WBP2NL: variants seen among roughly 807,000 people sequenced by gnomAD.
The protein encoded by WBP2NL is postacrosomal sheath WW domain-binding protein.
Under a neutral mutation model 23.3 loss-of-function variants are expected in WBP2NL, and 27 were observed. The observed-to-expected ratio is 1.16, with a 90% CI of 0.85 to 1.60. The LOEUF is 1.60. Ranked by LOEUF, WBP2NL falls within the 40% of genes most tolerant of loss-of-function variation. The pLI is 0.00. For synonymous variants in WBP2NL, 151 were observed against 145.9 expected (o/e 1.03, Z -0.25); for missense variants, 370 against 389.5 (o/e 0.95, Z 0.42).
At chr22:42,029,544 T>C (rs1924798049), downstream of WBP2NL, among the ~76,000 whole-genome samples, 1 of 152,068 alleles carries the variant, frequency 6.6e-6, no homozygotes, top group Non-Finnish European at 1.5e-5. Flanking sequence ...GCTAATTTTT[T>C]TTATTTTTAT....
At chr22:42,003,875 T>C (rs1379175273) in intron 1 of WBP2NL, among the ~76,000 whole-genome samples, 3 of 152,238 alleles carry the variant, frequency 2.0e-5, no homozygotes, top group Non-Finnish European at 2.9e-5. Flanking sequence ...ACATCAAATT[T>C]ATGGTAAACC....
At chr22:42,055,719 C>T (rs1310424725) in intron 8 of WBP2NL, among the ~76,000 whole-genome samples, 4 of 151,920 alleles carry the variant, frequency 2.6e-5, no homozygotes, top group East Asian at 1.9e-4. Context: ...TATTTGGACT[C>T]GTTAGGTATG....
intron 5 of WBP2NL, among the ~76,000 whole-genome samples, chr22:42,025,416 A>T (rs567510648): frequency 1.1e-4 from 16 of 152,234 alleles, no homozygotes; most frequent in Non-Finnish European, 2.2e-4. Flanking sequence ...TTCTTCACCA[A>T]TGTGGCCCAG....
At chr22:42,014,661 G>C (rs145539762) in intron 1 of WBP2NL, among the ~76,000 whole-genome samples, 180 of 151,812 alleles carry the variant, frequency 1.2e-3, no homozygotes, top group African/African-American at 4.3e-3. Flanking sequence ...TCCCATTTGT[G>C]TTACTCAGGT....
intron 1 of WBP2NL, among the ~76,000 whole-genome samples, chr22:42,017,974 C>A (rs2413664): frequency 0.31 from 47,371 of 151,594 alleles, 8,628 homozygotes; most frequent in South Asian, 0.44. Flanking sequence ...CATGGTGAAA[C>A]CCCGTCTCTA....
chr22:42,032,738 TA>T (rs1279237822), downstream of WBP2NL: 1 of 470,626 alleles, frequency 2.1e-6, no homozygotes, highest in South Asian at 1.6e-5. Flanking sequence ...CATGGACTGC[TA>T]GAGAATAAAC....
At chr22:42,019,211 ACT>A (rs1923639470) in intron 1 of WBP2NL, 98 bp from the exon 2 acceptor site, 3 of 1,069,434 alleles carry the variant, frequency 2.8e-6, no homozygotes, top group East Asian at 4.8e-5. Flanking sequence ...ACAGAGTAAG[ACT>A]CTGTCTCAAA....
chr22:42,024,319 C>T lies in WBP2NL; in HGVS notation c.514+1963C>T, dbSNP rs568905325. ...ATGAGCATTTGTATATAATTTTCTA[C>T]GTAGACATATGTTTTCATTTCTCCT... On this transcript the variant is annotated intron_variant, in intron 5 of 5. Coordinates refer to ENST00000328823, the MANE Select transcript of WBP2NL (RefSeq NM_152613.3). 2.0e-5 allele frequency among the ~76,000 whole-genome samples: 3 copies of T among 152,238 alleles called. No individual in the cohort carries two copies. The East Asian group carries it at 5.8e-4, about 29-fold the overall frequency.
intron 8 of WBP2NL, among the ~76,000 whole-genome samples, chr22:42,054,171 G>A (rs80203456): frequency 7.3e-5 from 11 of 151,398 alleles, no homozygotes; most frequent in African/African-American, 2.7e-4. Context: ...TATTTTTTTT[G>A]ATTGCTTCTG....
chr22:42,030,478 G>C (rs1000946645), downstream of WBP2NL: 6 of 152,206 alleles, frequency 3.9e-5, no homozygotes, highest in African/African-American at 7.2e-5. Context: ...TAGAGTTATG[G>C]GTCTAGGAAG....
chr22:42,022,638 C>T (rs1265163937), intron 5 of WBP2NL, among the ~76,000 whole-genome samples: 2 of 152,224 alleles, frequency 1.3e-5, no homozygotes. Context: ...ATAGCCTGAG[C>T]AGAAAATATA....
At chr22:42,056,861 A>G (rs1177824286) in intron 8 of WBP2NL, among the ~76,000 whole-genome samples, 2 of 152,128 alleles carry the variant, frequency 1.3e-5, no homozygotes, top group South Asian at 4.1e-4. Flanking sequence ...CAATCCAATT[A>G]TACTTAGTTA....
intron 1 of WBP2NL, chr22:42,001,263 A>C: frequency 1.5e-6 from 1 of 677,854 alleles, no homozygotes; most frequent in South Asian, 1.7e-5. Flanking sequence ...ATGTAGCAGC[A>C]AATGGTGTTA....
chr22:42,027,245 A>G lies in WBP2NL; in HGVS notation c.*64A>G. 3.3e-6 allele frequency: 5 copies of G among 1,530,464 alleles called. No individual in the cohort carries two copies. The South Asian group carries it at 6.5e-5, about 20-fold the overall frequency. 94.8% of individuals were successfully genotyped at this position (1,530,464 alleles called of 1,614,324 possible). On this transcript the variant is annotated 3_prime_UTR_variant, in exon 6 of 6. Transcript: ENST00000328823. Reference sequence around the variant, plus strand: ...GAGGTACCCTAAAATTGAAGTCAGGATAAGGAGGACGACTCAGGTATGTGA... The same window carrying G: ...GAGGTACCCTAAAATTGAAGTCAGGGTAAGGAGGACGACTCAGGTATGTGA...
At chr22:42,033,610 A>T (rs1337430089), downstream of WBP2NL, among the ~76,000 whole-genome samples, 4 of 152,078 alleles carry the variant, frequency 2.6e-5, no homozygotes, top group Admixed American at 2.0e-4. Flanking sequence ...GAGGCCTTGG[A>T]GTGGGTAGCT....
chr22:42,023,513 G>T (rs993570957), intron 5 of WBP2NL, among the ~76,000 whole-genome samples: 1 of 149,552 alleles, frequency 6.7e-6, no homozygotes. Context: ...TTTTGTTTTT[G>T]TTTTTTTGAG....
At chr22:42,049,867 C>T (rs934995172) in intron 8 of WBP2NL, among the ~76,000 whole-genome samples, 8 of 149,972 alleles carry the variant, frequency 5.3e-5, no homozygotes, top group Non-Finnish European at 7.4e-5. Context: ...ATCCCAGCTA[C>T]TGGGGAGGCT....
chr22:42,047,693 C>T (rs1227099736), intron 8 of WBP2NL, among the ~76,000 whole-genome samples: 3 of 148,724 alleles, frequency 2.0e-5, no homozygotes, highest in African/African-American at 4.9e-5. Context: ...GCCGTCTCAG[C>T]TTACTGCAAG....
At position 42,026,688 on chromosome 22, in the gene WBP2NL, AT is replaced by A. The variant is rs1924527950; in HGVS notation, c.515-72del. On this transcript the variant is annotated intron_variant, in intron 5 of 5. Transcript: ENST00000328823. ...TCTTGCGTCAGTTTGCTTCAGCATT[AT>A]TTTTTAAGTTCTTCCTTCTCACATA... The A allele has an allele frequency of 1.9e-6, 3 of 1,544,936 alleles. No homozygotes were observed. The South Asian group carries it at 3.7e-5, about 19-fold the overall frequency.
Sources: gnomAD v4.1 joint callset for allele counts (sites outside exome capture counted in the v4.1 genomes callset) on GRCh38, gnomAD v4.1.1 for gene constraint, MANE v1.5 for transcripts, NCBI Gene and HGNC (gene_info 2026-07-23, HGNC 2026-07-21) for gene names.